PAFAH1B1: variants seen among roughly 807,000 people sequenced by gnomAD.
PAFAH1B1 encodes platelet-activating factor acetylhydrolase IB subunit beta.
In PAFAH1B1, 2 loss-of-function variants were observed where a neutral mutation model predicts 57.5. The ratio of observed to expected loss-of-function variants is 0.03; its 90% CI spans 0.01 to 0.11. The LOEUF (loss-of-function observed/expected upper bound fraction) is 0.11, where lower values mean the gene tolerates loss of function less well. PAFAH1B1 is among the 10% of genes least tolerant of loss of function. PAFAH1B1 has a pLI of 1.00. For missense variants in PAFAH1B1, 257 were observed against 512.0 expected (o/e 0.50, Z 4.81); for synonymous variants, 152 against 169.6 (o/e 0.90, Z 0.81).
At chr17:2,606,811 T>C (rs1040326579) in intron 1 of PAFAH1B1, among the ~76,000 whole-genome samples, 4 of 100,746 alleles carry the variant, frequency 4.0e-5, no homozygotes, top group Admixed American at 1.8e-4. Context: ...GCCTCAGAGC[T>C]TTTTTTTTTT....
rs2068053087 is a variant in PAFAH1B1 at position 2,593,919 on chromosome 17, C to G, written c.-278C>G. 1 of 334,560 alleles carries G rather than the reference C, an allele frequency of 3.0e-6. No homozygotes were observed. Among genetic ancestry groups the G allele is most frequent in the Non-Finnish European group, 5.4e-6 (1 of 186,754 alleles). The allele number at this position is 334,560 out of a possible 1,614,324, so 20.7% of individuals were successfully genotyped here. A position where few individuals can be genotyped will look rare whatever the true frequency, so the allele number is the denominator to read the frequency against. ...CCCTCCTTCCCTCCCTCCCTCCTTC[C>G]TCCCTCCCCTCTCCCTCCCCCTCCC... On this transcript the variant is annotated 5_prime_UTR_variant, in exon 1 of 11. Coordinates refer to ENST00000397195, the MANE Select transcript of PAFAH1B1 (RefSeq NM_000430.4).
intron 1 of PAFAH1B1, among the ~76,000 whole-genome samples, chr17:2,614,618 A>C (rs913812365): frequency 1.3e-5 from 2 of 152,082 alleles, no homozygotes; most frequent in African/African-American, 4.8e-5. Flanking sequence ...TCTGTTGCCT[A>C]GGCGGGAGTG....
chr17:2,626,251 CA>C lies in PAFAH1B1; in HGVS notation c.-190-11834del, dbSNP rs1292636891. On this transcript the variant is annotated intron_variant, in intron 1 of 10. Transcript: ENST00000397195. ...CCTGGGCGACAGTGAGACTCCGTCT[CA>C]AAAAAAAAAAAAATTATTTCTGTTT... 8.3e-3 allele frequency among the ~76,000 whole-genome samples: 1,102 copies of C among 132,520 alleles called. 6 individuals are homozygous for C. Among genetic ancestry groups the C allele is most frequent in the South Asian group, 0.021 (87 of 4,160 alleles). 86.9% of individuals were successfully genotyped at this position (132,520 alleles called of 152,430 possible).
At chr17:2,646,380 T>C (rs1028832406) in intron 2 of PAFAH1B1, among the ~76,000 whole-genome samples, 13 of 152,236 alleles carry the variant, frequency 8.5e-5, no homozygotes, top group African/African-American at 2.7e-4. Context: ...TTCAAACTTA[T>C]GAGAGTACGG....
chr17:2,616,335 G>A (rs189722712), intron 1 of PAFAH1B1, among the ~76,000 whole-genome samples: 386 of 152,284 alleles, frequency 2.5e-3, no homozygotes, highest in Non-Finnish European at 4.2e-3. Context: ...AAGGCCAATA[G>A]GGTGTGTGTG....
intron 1 of PAFAH1B1, among the ~76,000 whole-genome samples, chr17:2,612,943 G>A (rs1201576236): frequency 2.7e-5 from 4 of 149,084 alleles, no homozygotes; most frequent in Admixed American, 6.8e-5. Context: ...GCCTAAAAAT[G>A]TTTGTTGTTT....
At chr17:2,644,435 C>T (rs1221462531) in intron 2 of PAFAH1B1, among the ~76,000 whole-genome samples, 8 of 152,040 alleles carry the variant, frequency 5.3e-5, no homozygotes, top group African/African-American at 1.2e-4. Flanking sequence ...CTCAGCTACT[C>T]GGGAGGCTGA....
chr17:2,609,868 A>G (rs2068247384), intron 1 of PAFAH1B1, among the ~76,000 whole-genome samples: 1 of 152,080 alleles, frequency 6.6e-6, no homozygotes, highest in Non-Finnish European at 1.5e-5. Flanking sequence ...TCTGTCGCCC[A>G]TGCTAGAGTG....
chr17:2,642,291 T>A (rs968717995), intron 2 of PAFAH1B1: 4 of 152,334 alleles, frequency 2.6e-5, no homozygotes, highest in African/African-American at 9.6e-5. Flanking sequence ...AATCTGAAAC[T>A]TTTTGAGTGC....
chr17:2,670,063 A>G (rs1381380234), intron 5 of PAFAH1B1, 100 bp from the exon 6 acceptor site: 1 of 897,226 alleles, frequency 1.1e-6, no homozygotes, highest in African/African-American at 1.6e-5. Flanking sequence ...TTGTTCGGTT[A>G]GTTACTCAGT....
intron 1 of PAFAH1B1, among the ~76,000 whole-genome samples, chr17:2,631,030 C>A (rs2068549067): frequency 6.6e-6 from 1 of 152,194 alleles, no homozygotes; most frequent in African/African-American, 2.4e-5. Flanking sequence ...CACCTGAGGT[C>A]ATGAGTTTGA....
chr17:2,621,767 G>A (rs759840840), intron 1 of PAFAH1B1, among the ~76,000 whole-genome samples: 11 of 151,880 alleles, frequency 7.2e-5, no homozygotes, highest in South Asian at 2.1e-4. Flanking sequence ...GACTACAGGC[G>A]TGCGCCACTA....
intron 1 of PAFAH1B1, among the ~76,000 whole-genome samples, chr17:2,605,461 G>A (rs182664556): frequency 6.6e-6 from 1 of 152,254 alleles, no homozygotes; most frequent in Non-Finnish European, 1.5e-5. Flanking sequence ...CAAAACTATG[G>A]TACTGAATAG....
chr17:2,676,382 C>A (rs1331948975), intron 8 of PAFAH1B1, 123 bp from the exon 9 acceptor site: 13 of 708,642 alleles, frequency 1.8e-5, no homozygotes, highest in Non-Finnish European at 2.3e-5. Context: ...CGTCTGAAAA[C>A]AAACAAAAAA....
rs1597541950 is a variant in PAFAH1B1 at position 2,638,215 on chromosome 17, G to A, written c.-74G>A. ...TGGCATATTTAAATTATAAGTCCAC[G>A]GATCAAAAAGCTTTTTGATTTCCCA... is the stretch of plus-strand genomic sequence containing the variant. On this transcript the variant is annotated 5_prime_UTR_variant, in exon 2 of 11. Coordinates refer to ENST00000397195, the MANE Select transcript of PAFAH1B1 (RefSeq NM_000430.4). 7.4e-6 allele frequency: 9 copies of A among 1,223,046 alleles called. No homozygotes were observed. The highest frequency in any genetic ancestry group is 5.3e-5 in the Admixed American group (3 of 56,364). The allele number at this position is 1,223,046 out of a possible 1,614,324, so 75.8% of individuals were successfully genotyped here. A position where few individuals can be genotyped will look rare whatever the true frequency, so the allele number is the denominator to read the frequency against.
chr17:2,650,542 G>A (rs4790348), intron 2 of PAFAH1B1, among the ~76,000 whole-genome samples: 9,116 of 146,790 alleles, frequency 0.062, 542 homozygotes, highest in East Asian at 0.26. Context: ...GGATGTCGGC[G>A]CAGTCTTGGG....
chr17:2,647,141 G>T (rs2068779700), intron 2 of PAFAH1B1, among the ~76,000 whole-genome samples: 1 of 152,104 alleles, frequency 6.6e-6, no homozygotes, highest in Non-Finnish European at 1.5e-5. Context: ...CCTGAGGTCA[G>T]GAGTTCAAGG....
rs34493806 is a variant in PAFAH1B1, at chr17:2,655,183, A to ATGTGTGTGTGTG, written c.33-10167_33-10156dup. On this transcript the variant is annotated intron_variant, in intron 2 of 10. Transcript: ENST00000397195. ...ATTTAAAAAATATATATATACATATATGTGTGTGTGTGTGTGTGTGTGTGT... is the reference window on the plus strand; with the variant it reads ...ATTTAAAAAATATATATATACATATATGTGTGTGTGTGTGTGTGTGTGTGTGTGTGTGTGTGT... Among the ~76,000 whole-genome samples, 806 of 143,924 alleles carry ATGTGTGTGTGTG rather than the reference A, an allele frequency of 5.6e-3. 5 individuals carry two copies. The highest frequency in any genetic ancestry group is 8.0e-3 in the Non-Finnish European group (527 of 65,820). 94.4% of individuals were successfully genotyped at this position (143,924 alleles called of 152,430 possible).
chr17:2,593,975 A>G lies in PAFAH1B1; in HGVS notation c.-222A>G. 2.6e-6 allele frequency: 1 copy of G among 385,702 alleles called. No homozygotes were observed. The highest frequency in any genetic ancestry group is 4.6e-6 in the Non-Finnish European group (1 of 219,336). The allele number at this position is 385,702 out of a possible 1,614,324, so 23.9% of individuals were successfully genotyped here. On this transcript the variant is annotated 5_prime_UTR_variant, in exon 1 of 11. Coordinates refer to ENST00000397195, the MANE Select transcript of PAFAH1B1 (RefSeq NM_000430.4). ...GGTGGATGGGAGTGAAGGACGGAAG[A>G]GGCCCTGCGGAGGCGGCGGTGCAGC... is the stretch of plus-strand genomic sequence containing the variant.
Sources: gnomAD v4.1 joint callset for allele counts (sites outside exome capture counted in the v4.1 genomes callset) on GRCh38, gnomAD v4.1.1 for gene constraint, MANE v1.5 for transcripts, NCBI Gene and HGNC (gene_info 2026-07-23, HGNC 2026-07-21) for gene names.